HECW2: variants seen among roughly 807,000 people sequenced by gnomAD.
HECW2 encodes the protein HECT, C2 and WW domain containing E3 ubiquitin protein ligase 2.
In HECW2, 61 loss-of-function variants were observed where a neutral mutation model predicts 175.2. The observed-to-expected ratio is 0.35, with a 90% confidence interval of 0.28 to 0.43. The LOEUF (loss-of-function observed/expected upper bound fraction) is 0.43. HECW2 is among the 20% of genes least tolerant of loss of function. The pLI, the probability that HECW2 is intolerant of heterozygous loss-of-function variation, is 1.00. For synonymous variants in HECW2, 671 were observed against 731.0 expected (o/e 0.92, Z 1.32); for missense variants, 1,524 against 2,000.5 (o/e 0.76, Z 4.54).
intron 28 of HECW2, 72 bp downstream of exon 28, chr2:196,215,793 A>C (rs1687455481): frequency 9.5e-7 from 1 of 1,050,024 alleles, no homozygotes. Context: ...AGCAGTAATT[A>C]ATCAATATAT....
intron 2 of HECW2, among the ~76,000 whole-genome samples, chr2:196,425,758 AAAG>A (rs1240739800): frequency 6.6e-6 from 1 of 152,202 alleles, no homozygotes; most frequent in Non-Finnish European, 1.5e-5. Context: ...TACTCCTGAT[AAAG>A]AAGCTGTGAA....
At chr2:196,287,171 T>C (rs1221879650) in intron 14 of HECW2, among the ~76,000 whole-genome samples, 2 of 152,206 alleles carry the variant, frequency 1.3e-5, no homozygotes, top group African/African-American at 4.8e-5. Flanking sequence ...ATTTGGACCA[T>C]TCTGATACTT....
intron 28 of HECW2, among the ~76,000 whole-genome samples, chr2:196,215,239 G>C (rs1397443537): frequency 6.6e-6 from 1 of 152,148 alleles, no homozygotes; most frequent in Non-Finnish European, 1.5e-5. Flanking sequence ...GTAATGTGTG[G>C]ACGTTGTAAT....
intron 2 of HECW2, among the ~76,000 whole-genome samples, chr2:196,400,599 G>T (rs1417035680): frequency 6.6e-6 from 1 of 152,112 alleles, no homozygotes; most frequent in East Asian, 1.9e-4. Context: ...ATAGCCTAAA[G>T]ATCTGTATTG....
chr2:196,293,487 G>C (rs1690684027), intron 13 of HECW2, among the ~76,000 whole-genome samples: 2 of 152,172 alleles, frequency 1.3e-5, no homozygotes, highest in African/African-American at 4.8e-5. Context: ...CTTTGTAATA[G>C]AATGATTTAT....
intron 19 of HECW2, among the ~76,000 whole-genome samples, chr2:196,244,810 G>A (rs886993932): frequency 3.3e-5 from 5 of 152,190 alleles, no homozygotes; most frequent in Non-Finnish European, 5.9e-5. Flanking sequence ...TGGAGGAGGA[G>A]TGCTGGGAGT....
At chr2:196,223,726 T>C (rs1460197475) in intron 23 of HECW2, among the ~76,000 whole-genome samples, 3 of 152,122 alleles carry the variant, frequency 2.0e-5, no homozygotes, top group African/African-American at 7.2e-5. Context: ...GTGTGAAGGA[T>C]TATTTAAAAT....
intron 3 of HECW2, among the ~76,000 whole-genome samples, chr2:196,334,775 T>G: frequency 6.6e-6 from 1 of 152,248 alleles, no homozygotes; most frequent in Non-Finnish European, 1.5e-5. Flanking sequence ...AGTGTAGCGA[T>G]AAGAATGGGA....
intron 1 of HECW2, among the ~76,000 whole-genome samples, chr2:196,505,040 T>C (rs968574075): frequency 6.6e-6 from 1 of 152,122 alleles, no homozygotes; most frequent in Non-Finnish European, 1.5e-5. Context: ...CCTGCTTGCA[T>C]GAATGGTTGA....
chr2:196,288,188 C>G (rs557736131), intron 14 of HECW2: 1 of 152,182 alleles, frequency 6.6e-6, no homozygotes, highest in East Asian at 1.9e-4. Context: ...GCCAATGTGT[C>G]GATCTGATTT....
At chr2:196,534,495 A>T (rs1688952680) in intron 1 of HECW2, among the ~76,000 whole-genome samples, 1 of 152,150 alleles carries the variant, frequency 6.6e-6, no homozygotes, top group Non-Finnish European at 1.5e-5. Context: ...AGGAGCATGG[A>T]AGAATCTTTT....
intron 1 of HECW2, among the ~76,000 whole-genome samples, chr2:196,510,890 A>T (rs1687927079): frequency 6.6e-6 from 1 of 152,102 alleles, no homozygotes; most frequent in African/African-American, 2.4e-5. Flanking sequence ...CTACTCCCCC[A>T]TTCTCTTGAA....
chr2:196,493,597 CA>C (rs1259587583), intron 1 of HECW2, among the ~76,000 whole-genome samples: 1 of 152,132 alleles, frequency 6.6e-6, no homozygotes, highest in Admixed American at 6.5e-5. Flanking sequence ...TGATTCACCA[CA>C]AATTAAAAGT....
At chr2:196,317,583 G>A (rs182429294) in intron 9 of HECW2, among the ~76,000 whole-genome samples, 61 of 152,042 alleles carry the variant, frequency 4.0e-4, no homozygotes, top group Non-Finnish European at 6.6e-4. Context: ...TGTATCCCCC[G>A]CTCCTGCAGC....
intron 1 of HECW2, among the ~76,000 whole-genome samples, chr2:196,587,534 T>A (rs1483662782): frequency 6.6e-6 from 1 of 152,260 alleles, no homozygotes; most frequent in Non-Finnish European, 1.5e-5. Context: ...TTTACAGTAC[T>A]ATTTTCATCA....
chr2:196,501,612 T>A (rs190606144), intron 1 of HECW2, among the ~76,000 whole-genome samples: 157 of 152,272 alleles, frequency 1.0e-3, no homozygotes, highest in Non-Finnish European at 1.0e-3. Context: ...GCCTAAGTTC[T>A]CCATGTATTT....
At chr2:196,404,985 C>A (rs1269528845) in intron 2 of HECW2, among the ~76,000 whole-genome samples, 1 of 52,968 alleles carries the variant, frequency 1.9e-5, no homozygotes, top group Admixed American at 2.8e-4. Flanking sequence ...CCACCACTCC[C>A]GGCAAATTTT....
intron 1 of HECW2, among the ~76,000 whole-genome samples, chr2:196,566,281 CAA>C (rs34450556): frequency 0.018 from 2,432 of 136,152 alleles, 37 homozygotes; most frequent in African/African-American, 0.049. Flanking sequence ...CAAAAATAAG[CAA>C]AAAAAAAAAA....
At chr2:196,379,370 T>C (rs1487249792) in intron 2 of HECW2, among the ~76,000 whole-genome samples, 1 of 152,110 alleles carries the variant, frequency 6.6e-6, no homozygotes, top group Non-Finnish European at 1.5e-5. Context: ...ACGTAAATGT[T>C]CATTACACAG....
Sources: gnomAD v4.1 joint callset for allele counts (sites outside exome capture counted in the v4.1 genomes callset) on GRCh38, gnomAD v4.1.1 for gene constraint, MANE v1.5 for transcripts, NCBI Gene and HGNC (gene_info 2026-07-23, HGNC 2026-07-21) for gene names.